Variants in CASC3 observed in about 807,000 individuals in gnomAD.
The protein encoded by CASC3 is CASC3 exon junction complex subunit.
CASC3 carries 30 observed loss-of-function variants against 80.5 expected under a neutral mutation model. The ratio of observed to expected loss-of-function variants is 0.37; its 90% CI spans 0.28 to 0.51. CASC3 has a LOEUF of 0.51. Among genes scored for constraint, CASC3 ranks in the 20% least tolerant of loss-of-function variants. The pLI is 0.94. For missense variants in CASC3, 824 were observed against 922.2 expected, an observed-to-expected ratio of 0.89 and a Z score of 1.38; for synonymous variants, 312 against 333.6, an observed-to-expected ratio of 0.94 and a Z score of 0.70.
chr17:40,146,718 A>G (rs1329291987), intron 3 of CASC3, among the ~76,000 whole-genome samples: 2 of 151,038 alleles, frequency 1.3e-5, no homozygotes, highest in African/African-American at 4.9e-5. Context: ...GATTACAGGC[A>G]TGAGCCACAG....
At chr17:40,141,411 C>G in intron 2 of CASC3, 159 bp from the exon 3 acceptor site, 2 of 830,184 alleles carry the variant, frequency 2.4e-6, no homozygotes, top group Non-Finnish European at 4.0e-6. Context: ...AGCAAGTTAC[C>G]CTCTGAGCCT....
rs56186811 is a variant in CASC3 at position 40,169,742 on chromosome 17, C to CTT, written c.*41+110_*41+111dup. 133 of 96,500 alleles carry CTT rather than the reference C, an allele frequency of 1.4e-3. 12 individuals are homozygous for CTT. The highest frequency in any genetic ancestry group is 2.7e-3 in the East Asian group (5 of 1,854). The allele number at this position is 96,500 out of a possible 1,614,324, so 6.0% of individuals were successfully genotyped here. On this transcript the variant is annotated intron_variant, in intron 13 of 13. Transcript: ENST00000264645. ...ATAAACAAAAATCACTTAATTAATG[C>CTT]TTTTTTTTTTTTTTTTTTTTTTTTT...
At chr17:40,140,936 TC>T in intron 1 of CASC3, 157 bp downstream of exon 1, 2 of 658,492 alleles carry the variant, frequency 3.0e-6, no homozygotes, top group South Asian at 2.1e-5. Context: ...CGAGTTTGCA[TC>T]CGGAGTTCCA....
At position 40,169,365 on chromosome 17, in the gene CASC3, C is replaced by A. The variant is rs771979816; in HGVS notation, c.2007C>A (p.Pro669=). The A allele has an allele frequency of 1.8e-5, 29 of 1,613,076 alleles. No individual in the cohort carries two copies. The Middle Eastern group carries it at 2.5e-3, about 138-fold the overall frequency. The change falls in exon 12 of 14, where the codon CCC becomes CCA. Residue 669 remains proline, a synonymous_variant. Coordinates refer to ENST00000264645, the MANE Select transcript of CASC3 (RefSeq NM_007359.5). ...QVYGGVTYYN[P]AQQQVQPKPS... is the part of the protein sequence containing the mutation. ...ATGGAGGAGTGACCTACTATAACCC[C>A]GCCCAGCAGCAGGTGCAGCCAAAGC...
intron 3 of CASC3, among the ~76,000 whole-genome samples, chr17:40,156,131 A>G (rs1989140229): frequency 6.6e-6 from 1 of 152,062 alleles, no homozygotes; most frequent in Admixed American, 6.6e-5. Flanking sequence ...CACATACACC[A>G]AGTTATTGTA....
chr17:40,162,183 A>G, intron 5 of CASC3, 30 bp downstream of exon 5: 1 of 1,601,776 alleles, frequency 6.2e-7, no homozygotes, highest in South Asian at 1.1e-5. Flanking sequence ...GCTGCTGTCT[A>G]ACATGTATTT....
chr17:40,163,216 C>T (rs1289553881), intron 6 of CASC3, among the ~76,000 whole-genome samples: 1 of 152,092 alleles, frequency 6.6e-6, no homozygotes, highest in Non-Finnish European at 1.5e-5. Flanking sequence ...CTCACTGCAA[C>T]CTCCACCTCT....
chr17:40,166,284 C>T (rs1048845957), intron 7 of CASC3, among the ~76,000 whole-genome samples: 11 of 152,176 alleles, frequency 7.2e-5, no homozygotes, highest in African/African-American at 2.7e-4. Flanking sequence ...ACCCTTCTTA[C>T]TATTGGAGGA....
chr17:40,146,432 C>CT (rs761549032), intron 3 of CASC3, among the ~76,000 whole-genome samples: 2,867 of 134,790 alleles, frequency 0.021, 57 homozygotes, highest in African/African-American at 0.051. Flanking sequence ...AGTACGATTT[C>CT]TTTTTTTTTT....
intron 11 of CASC3, 119 bp from the exon 12 acceptor site, chr17:40,169,205 A>T: frequency 9.7e-7 from 1 of 1,032,136 alleles, no homozygotes; most frequent in Non-Finnish European, 1.3e-6. Context: ...TGGGCAGATT[A>T]GATATTTTTA....
In CASC3 at chr17:40,163,735, T is replaced by TTAGTTACCGGTCACGGCGCCTAGAGCA; in HGVS notation, c.1041_1067dup (p.Glu355_Gln356insHisSerTyrArgSerArgArgLeuGlu). 6.2e-7 allele frequency: 1 copy of TTAGTTACCGGTCACGGCGCCTAGAGCA among 1,613,948 alleles called. No individual in the cohort carries two copies. Among genetic ancestry groups the TTAGTTACCGGTCACGGCGCCTAGAGCA allele is most frequent in the Non-Finnish European group, 8.5e-7 (1 of 1,179,974 alleles). ...TCTGGTGAGACTGTTAAGCATGAGA[T>TTAGTTACCGGTCACGGCGCCTAGAGCA]TAGTTACCGGTCACGGCGCCTAGAG... On this transcript the variant is annotated inframe_insertion, in exon 7 of 14. Coordinates refer to ENST00000264645, the MANE Select transcript of CASC3 (RefSeq NM_007359.5).
chr17:40,164,740 C>T lies in CASC3; in HGVS notation c.1471+574C>T, dbSNP rs1263525994. 2.9e-4 allele frequency among the ~76,000 whole-genome samples: 40 copies of T among 140,152 alleles called. No homozygotes were observed. In the Admixed American group the frequency reaches 2.9e-3, roughly 10 times the overall value. 91.9% of individuals were successfully genotyped at this position (140,152 alleles called of 152,430 possible). A position where few individuals can be genotyped will look rare whatever the true frequency, so the allele number is the denominator to read the frequency against. ...GATTACAGGTGTGAGCCACAGCCAC[C>T]GTGCCTGGCCTTTTTTTTTTTTTTT... On this transcript the variant is annotated intron_variant, in intron 7 of 13. Coordinates refer to ENST00000264645, the MANE Select transcript of CASC3 (RefSeq NM_007359.5).
chr17:40,158,175 G>A (rs1363496539), intron 3 of CASC3, among the ~76,000 whole-genome samples: 1 of 152,142 alleles, frequency 6.6e-6, no homozygotes, highest in Non-Finnish European at 1.5e-5. Context: ...GGCTTGTCTG[G>A]GCCAATCAGG....
At chr17:40,141,485 A>G (rs1567674871) in intron 2 of CASC3, 85 bp from the exon 3 acceptor site, 4 of 1,152,466 alleles carry the variant, frequency 3.5e-6, no homozygotes, top group South Asian at 1.3e-5. Flanking sequence ...TCAGAATTAA[A>G]TGAGACTCTT....
In CASC3 at chr17:40,140,704, C is replaced by T; in HGVS notation, c.156C>T (p.Arg52=). 5.7e-6 allele frequency: 9 copies of T among 1,577,946 alleles called. No homozygotes were observed. Among genetic ancestry groups the T allele is most frequent in the Non-Finnish European group, 7.7e-6 (9 of 1,164,152 alleles). The change falls in exon 1 of 14, where the codon CGC becomes CGT. Residue 52 remains arginine (R), a synonymous_variant. Transcript: ENST00000264645. The stretch of plus-strand genomic sequence containing the variant: ...GCAGCGGCTCTCTGCCTTCACAGCG[C>T]GGAGGCCGAACCGGGGCCCTTCATC... The part of the protein sequence containing the change: ...GGGSGSLPSQ[R]GGRTGALHLR...
chr17:40,142,174 G>C (rs1988734870), intron 3 of CASC3, among the ~76,000 whole-genome samples: 1 of 152,184 alleles, frequency 6.6e-6, no homozygotes, highest in African/African-American at 2.4e-5. Context: ...GGGGGAATTG[G>C]ATGGTGGATC....
rs529295780 is a variant in CASC3 at position 40,151,997 on chromosome 17, A to G, written c.298-9756A>G. Among the ~76,000 whole-genome samples the G allele has an allele frequency of 1.2e-4, 19 of 152,326 alleles. No individual in the cohort carries two copies. The East Asian group carries it at 1.5e-3, about 12-fold the overall frequency. On this transcript the variant is annotated intron_variant, in intron 3 of 13. Coordinates refer to ENST00000264645, the MANE Select transcript of CASC3 (RefSeq NM_007359.5). ...AACACATACAGTGTGGCATCTTGAT[A>G]TATGTGTACATTGTGGAGTACCACA...
intron 3 of CASC3, among the ~76,000 whole-genome samples, chr17:40,159,942 C>T (rs1423080355): frequency 1.3e-5 from 2 of 151,880 alleles, no homozygotes; most frequent in African/African-American, 2.4e-5. Context: ...TCTCAAACTC[C>T]GGACCTCAAG....
In CASC3 at chr17:40,171,154, G is replaced by A; in HGVS notation, c.*749G>A. 1.0e-6 allele frequency: 1 copy of A among 986,002 alleles called. No homozygotes were observed. The highest frequency in any genetic ancestry group is 1.2e-6 in the Non-Finnish European group (1 of 829,976). The allele number at this position is 986,002 out of a possible 1,614,324, so 61.1% of individuals were successfully genotyped here. Reference sequence around the variant, plus strand: ...GTAGGAGCCCTTCTCTTTGACTTAGGTTTTTAGGAGTCTGAGCATCCATCA... The same window carrying A: ...GTAGGAGCCCTTCTCTTTGACTTAGATTTTTAGGAGTCTGAGCATCCATCA... On this transcript the variant is annotated 3_prime_UTR_variant, in exon 14 of 14. Transcript: ENST00000264645.
Sources: allele counts gnomAD v4.1 joint callset (sites outside exome capture counted in the v4.1 genomes callset), GRCh38; gene constraint gnomAD v4.1.1; transcripts MANE v1.5; gene names NCBI Gene and HGNC (gene_info 2026-07-23, HGNC 2026-07-21).